The following PDE10A variants were observed in gnomAD, a reference collection of about 807,000 sequenced individuals.
PDE10A encodes the protein cAMP and cAMP-inhibited cGMP 3',5'-cyclic phosphodiesterase 10A.
A neutral mutation model predicts 97.7 loss-of-function variants in PDE10A; 39 were observed. The ratio of observed to expected loss-of-function variants is 0.40; its 90% CI spans 0.31 to 0.52. The LOEUF (loss-of-function observed/expected upper bound fraction) is 0.52, where lower values mean the gene tolerates loss of function less well. Among genes scored for constraint, PDE10A ranks in the 20% least tolerant of loss-of-function variants. The pLI is 0.56. For missense variants in PDE10A, 731 were observed against 1,047.8 expected, an observed-to-expected ratio of 0.70 and a Z score of 4.17; for synonymous variants, 371 against 376.8, an observed-to-expected ratio of 0.98 and a Z score of 0.18.
At chr6:165,611,456 G>T (rs761991002) in intron 1 of PDE10A, among the ~76,000 whole-genome samples, 12 of 152,214 alleles carry the variant, frequency 7.9e-5, no homozygotes, top group Non-Finnish European at 1.5e-4. Context: ...AGACCTCAAT[G>T]AGTGGATACA....
intron 1 of PDE10A, among the ~76,000 whole-genome samples, chr6:165,850,641 T>G (rs1028367451): frequency 4.6e-5 from 7 of 152,210 alleles, no homozygotes; most frequent in African/African-American, 1.7e-4. Context: ...TGCTGGCCAG[T>G]CTGGGAAGTG....
At chr6:165,545,165 C>T (rs1175434610) in intron 1 of PDE10A, 2 of 505,864 alleles carry the variant, frequency 4.0e-6, no homozygotes, top group African/African-American at 3.9e-5. Context: ...ACTCCCATGA[C>T]ACAAGGCTAT....
At chr6:165,381,258 C>T (rs1784905836) in intron 17 of PDE10A, among the ~76,000 whole-genome samples, 1 of 152,000 alleles carries the variant, frequency 6.6e-6, no homozygotes, top group African/African-American at 2.4e-5. Flanking sequence ...TATCAGAGTC[C>T]CAAAAGTGTC....
Position 165,643,956 on chromosome 6 carries a change from CAT to C in PDE10A, c.865+17989_865+17990del, listed in dbSNP as rs1186681937. 2.6e-5 allele frequency among the ~76,000 whole-genome samples: 4 copies of C among 152,354 alleles called. No individual in the cohort carries two copies. In the East Asian group the frequency reaches 7.7e-4, roughly 29 times the overall value. On this transcript the variant is annotated intron_variant, in intron 1 of 21. Transcript: ENST00000539869. ...AAAGAATCACACTGTACTTCATAAA[CAT>C]ATGCCATTACTAGTCAATTAAAAAA...
chr6:165,691,589 GCGCACACACACA>G (rs1243817744), intron 1 of PDE10A, among the ~76,000 whole-genome samples: 5 of 144,578 alleles, frequency 3.5e-5, no homozygotes, highest in East Asian at 2.3e-4. Flanking sequence ...ATGCACGCGC[GCGCACACACACA>G]CACACACACA....
At chr6:165,466,935 G>A (rs900830305) in intron 3 of PDE10A, among the ~76,000 whole-genome samples, 7 of 152,092 alleles carry the variant, frequency 4.6e-5, no homozygotes, top group Non-Finnish European at 7.4e-5. Context: ...AGTTGTGAAC[G>A]CAAAGAAAAA....
intron 1 of PDE10A, among the ~76,000 whole-genome samples, chr6:165,572,115 C>T (rs1366919765): frequency 6.6e-6 from 1 of 152,174 alleles, no homozygotes; most frequent in African/African-American, 2.4e-5. Context: ...TAACCTATTA[C>T]CTCTAAAACT....
At chr6:165,359,864 G>A (rs889740355) in intron 18 of PDE10A, among the ~76,000 whole-genome samples, 8 of 151,940 alleles carry the variant, frequency 5.3e-5, no homozygotes, top group Non-Finnish European at 1.2e-4. Flanking sequence ...CAGTTTGTGG[G>A]CTGTGCACAC....
At chr6:165,635,846 C>T (rs554269712) in intron 1 of PDE10A, among the ~76,000 whole-genome samples, 88 of 152,236 alleles carry the variant, frequency 5.8e-4, no homozygotes, top group African/African-American at 2.1e-3. Flanking sequence ...TAGAGGTAGA[C>T]ATATCTTGTT....
chr6:165,943,239 G>GAAGA (rs1783620753), intron 1 of PDE10A, among the ~76,000 whole-genome samples: 1 of 51,828 alleles, frequency 1.9e-5, no homozygotes, highest in Non-Finnish European at 3.6e-5. Flanking sequence ...AAGAAAGAAG[G>GAAGA]AAGGAAGGAA....
chr6:165,972,182 G>T (rs932690168), intron 1 of PDE10A, among the ~76,000 whole-genome samples: 1 of 152,194 alleles, frequency 6.6e-6, no homozygotes, highest in African/African-American at 2.4e-5. Context: ...GCATAAAAAT[G>T]ATTTTAGAAA....
chr6:165,738,760 C>CTGG (rs1213432736), intron 1 of PDE10A, among the ~76,000 whole-genome samples: 1 of 152,184 alleles, frequency 6.6e-6, no homozygotes, highest in Non-Finnish European at 1.5e-5. Context: ...TCTCTGATGG[C>CTGG]TGGTGATGGT....
chr6:165,396,538 G>A, intron 13 of PDE10A, 79 bp from the exon 14 acceptor site: 1 of 1,397,738 alleles, frequency 7.2e-7, no homozygotes, highest in Non-Finnish European at 9.8e-7. Flanking sequence ...TTCAGAATTT[G>A]GTATTAAAGA....
At chr6:165,379,465 T>C (rs551760718) in intron 17 of PDE10A, 99 bp from the exon 18 acceptor site, 1 of 876,846 alleles carries the variant, frequency 1.1e-6, no homozygotes, top group Non-Finnish European at 1.7e-6. Flanking sequence ...GTCAATGACA[T>C]CTGGCACACT....
chr6:165,868,456 A>G (rs552009452), intron 1 of PDE10A, among the ~76,000 whole-genome samples: 1 of 152,234 alleles, frequency 6.6e-6, no homozygotes, highest in African/African-American at 2.4e-5. Flanking sequence ...TGAAGATTTA[A>G]CCAGAAAGAA....
chr6:165,353,524 A>G (rs1159349745), intron 18 of PDE10A, among the ~76,000 whole-genome samples: 1 of 152,218 alleles, frequency 6.6e-6, no homozygotes, highest in Non-Finnish European at 1.5e-5. Context: ...ATGATGGTAC[A>G]TCCACACAAT....
intron 1 of PDE10A, among the ~76,000 whole-genome samples, chr6:165,670,928 C>A (rs1562675460): frequency 6.6e-6 from 1 of 152,172 alleles, no homozygotes; most frequent in Non-Finnish European, 1.5e-5. Flanking sequence ...AAGTGCTGAT[C>A]TTATTATCTT....
chr6:165,380,366 G>C (rs1784856932), intron 17 of PDE10A, among the ~76,000 whole-genome samples: 3 of 152,036 alleles, frequency 2.0e-5, no homozygotes, highest in Admixed American at 2.0e-4. Flanking sequence ...TAAAAAATTA[G>C]ACATCTCACT....
chr6:165,844,483 C>CT (rs1780353201), intron 1 of PDE10A, among the ~76,000 whole-genome samples: 1 of 152,180 alleles, frequency 6.6e-6, no homozygotes, highest in African/African-American at 2.4e-5. Context: ...TCACTCCAGT[C>CT]TCTGTTTTCG....
Sources: allele counts gnomAD v4.1 joint callset (sites outside exome capture counted in the v4.1 genomes callset), GRCh38; gene constraint gnomAD v4.1.1; transcripts MANE v1.5; gene names NCBI Gene and HGNC (gene_info 2026-07-23, HGNC 2026-07-21).